RNF13: variants seen among roughly 807,000 people sequenced by gnomAD.
RNF13 encodes the protein ring finger protein 13.
A neutral mutation model predicts 37.7 loss-of-function variants in RNF13; 19 were observed. The observed-to-expected ratio is 0.50, with a 90% CI of 0.35 to 0.74. The LOEUF (loss-of-function observed/expected upper bound fraction) is 0.74, where lower values mean the gene tolerates loss of function less well. Ranked by LOEUF, RNF13 falls within the 30% of genes least tolerant of loss-of-function variation. The pLI is 0.01. For missense variants in RNF13, 375 were observed against 453.0 expected, an observed-to-expected ratio of 0.83 and a Z score of 1.56; for synonymous variants, 144 against 157.8, an observed-to-expected ratio of 0.91 and a Z score of 0.65.
rs1324658953 is a variant in RNF13 at position 149,838,775 on chromosome 3, A to G, written c.-16-7236A>G. Among the ~76,000 whole-genome samples the G allele has an allele frequency of 2.0e-5, 3 of 151,486 alleles. No homozygotes were observed. The East Asian group carries it at 5.9e-4, about 30-fold the overall frequency. On this transcript the variant is annotated intron_variant, in intron 1 of 9. Coordinates refer to ENST00000392894, the MANE Select transcript of RNF13 (RefSeq NM_183381.3). ...TTTCCCTATTTTCTTGGCAATTAAC[A>G]TTTGGCTCCTCGTTACTTAAGCAAA... is the stretch of plus-strand genomic sequence containing the variant.
At chr3:149,902,619 A>C (rs958615536) in intron 6 of RNF13, among the ~76,000 whole-genome samples, 6 of 152,212 alleles carry the variant, frequency 3.9e-5, no homozygotes, top group Non-Finnish European at 7.4e-5. Context: ...TTTGAATGAG[A>C]ACTTTTATAT....
At chr3:149,893,400 A>G (rs1289500946) in intron 4 of RNF13, among the ~76,000 whole-genome samples, 3 of 152,164 alleles carry the variant, frequency 2.0e-5, no homozygotes, top group Admixed American at 1.3e-4. Context: ...GTCTAATTTT[A>G]TATTTCTTAA....
At chr3:149,926,290 C>G (rs1718642275) in intron 8 of RNF13, among the ~76,000 whole-genome samples, 1 of 152,168 alleles carries the variant, frequency 6.6e-6, no homozygotes, top group Admixed American at 6.5e-5. Flanking sequence ...CAGCTCACTG[C>G]AAGCTCCGCC....
intron 3 of RNF13, among the ~76,000 whole-genome samples, chr3:149,854,535 C>T (rs1296564951): frequency 2.0e-5 from 3 of 152,122 alleles, no homozygotes; most frequent in East Asian, 1.9e-4. Context: ...CTAGTTTTAC[C>T]CAGAAAGGGA....
intron 5 of RNF13, among the ~76,000 whole-genome samples, chr3:149,901,655 C>T (rs1715851317): frequency 6.6e-6 from 1 of 152,124 alleles, no homozygotes; most frequent in South Asian, 2.1e-4. Context: ...TATTCTCTGG[C>T]TTATACGTCT....
chr3:149,923,375 C>T lies in RNF13; in HGVS notation c.700+2148C>T, dbSNP rs553516532. On this transcript the variant is annotated intron_variant, in intron 8 of 9. Transcript: ENST00000392894. ...ATGTAGCTAAGACTATAGGCATGTG[C>T]CACTGGGCCCAGCCTGGATTAAAGA... 1.4e-4 allele frequency among the ~76,000 whole-genome samples: 22 copies of T among 152,170 alleles called. 1 individual carries two copies. Among genetic ancestry groups the T allele is most frequent in the Admixed American group, 1.2e-3 (18 of 15,288 alleles).
rs1720710225 is a variant in RNF13, at chr3:149,828,420, A to G, written c.-17+15067A>G. Among the ~76,000 whole-genome samples, 3 of 152,342 alleles carry G rather than the reference A, an allele frequency of 2.0e-5. No individual in the cohort carries two copies. In the South Asian group the frequency reaches 6.2e-4, roughly 32 times the overall value. Reference sequence around the variant, plus strand: ...TAAAACATTCTGGTTTGGGAGATAGATGACATTAATACCTTCAAGTACACT... The same window carrying G: ...TAAAACATTCTGGTTTGGGAGATAGGTGACATTAATACCTTCAAGTACACT... On this transcript the variant is annotated intron_variant, in intron 1 of 9. Transcript: ENST00000392894.
chr3:149,938,929 T>C, intron 8 of RNF13: 1 of 377,070 alleles, frequency 2.7e-6, no homozygotes, highest in Non-Finnish European at 5.0e-6. Flanking sequence ...CAGCCAGATA[T>C]CAACTGTTAC....
At chr3:149,930,615 G>T (rs1231645462) in intron 8 of RNF13, among the ~76,000 whole-genome samples, 1 of 152,132 alleles carries the variant, frequency 6.6e-6, no homozygotes, top group African/African-American at 2.4e-5. Flanking sequence ...CTGTTTTCTG[G>T]AAGAAATTGT....
At chr3:149,904,616 G>A (rs553615524) in intron 6 of RNF13, among the ~76,000 whole-genome samples, 4 of 152,236 alleles carry the variant, frequency 2.6e-5, no homozygotes, top group East Asian at 1.9e-4. Context: ...TGCTTTCAGA[G>A]TTTGGCGATT....
At chr3:149,920,373 C>G (rs7641977) in intron 7 of RNF13, among the ~76,000 whole-genome samples, 1 of 151,946 alleles carries the variant, frequency 6.6e-6, no homozygotes, top group Non-Finnish European at 1.5e-5. Flanking sequence ...GTAGCTGGAA[C>G]TACAGGCACA....
intron 6 of RNF13, among the ~76,000 whole-genome samples, chr3:149,910,416 A>G (rs1412475836): frequency 2.6e-5 from 4 of 152,204 alleles, no homozygotes; most frequent in African/African-American, 7.2e-5. Context: ...AATCGTAGCA[A>G]TTTTTGGAAA....
intron 8 of RNF13, among the ~76,000 whole-genome samples, chr3:149,928,925 T>G (rs1203564924): frequency 6.6e-6 from 1 of 152,218 alleles, no homozygotes; most frequent in Non-Finnish European, 1.5e-5. Context: ...TTTTATTGTT[T>G]TAGATACTAT....
intron 8 of RNF13, among the ~76,000 whole-genome samples, chr3:149,923,866 C>T (rs1464185942): frequency 1.3e-5 from 2 of 151,610 alleles, no homozygotes; most frequent in Non-Finnish European, 2.9e-5. Context: ...AGATGGGTAG[C>T]TGTAGTAGGA....
At chr3:149,828,305 A>G (rs768594946) in intron 1 of RNF13, among the ~76,000 whole-genome samples, 3 of 152,226 alleles carry the variant, frequency 2.0e-5, no homozygotes, top group Non-Finnish European at 4.4e-5. Flanking sequence ...CATTCATGTC[A>G]GATGCTTAAC....
At chr3:149,903,971 C>G (rs1716130394) in intron 6 of RNF13, among the ~76,000 whole-genome samples, 1 of 151,366 alleles carries the variant, frequency 6.6e-6, no homozygotes, top group Non-Finnish European at 1.5e-5. Flanking sequence ...GTCTGTCTGT[C>G]TATCTATCTA....
chr3:149,853,833 T>C (rs893789875), intron 3 of RNF13, among the ~76,000 whole-genome samples: 3 of 147,346 alleles, frequency 2.0e-5, no homozygotes, highest in Non-Finnish European at 4.5e-5. Flanking sequence ...TTAAAATTTC[T>C]CTTTTTTTTT....
intron 4 of RNF13, among the ~76,000 whole-genome samples, chr3:149,875,097 T>G (rs991674221): frequency 2.6e-5 from 4 of 152,130 alleles, no homozygotes; most frequent in African/African-American, 9.6e-5. Flanking sequence ...AAATGATATA[T>G]TTCCTTATTT....
intron 8 of RNF13, among the ~76,000 whole-genome samples, chr3:149,952,005 A>G (rs1400504664): frequency 1.3e-5 from 2 of 151,984 alleles, no homozygotes; most frequent in African/African-American, 4.8e-5. Flanking sequence ...TTCTCTTGTC[A>G]TTCCCTCCAC....
Sources: gnomAD v4.1 joint callset for allele counts (sites outside exome capture counted in the v4.1 genomes callset) on GRCh38, gnomAD v4.1.1 for gene constraint, MANE v1.5 for transcripts, NCBI Gene and HGNC (gene_info 2026-07-23, HGNC 2026-07-21) for gene names.